Variants in DLC1 observed in about 807,000 individuals in gnomAD.
DLC1 encodes the protein rho GTPase-activating protein 7.
In DLC1, 54 loss-of-function variants were observed where a neutral mutation model predicts 140.3. The observed-to-expected ratio is 0.38, with a 90% CI of 0.31 to 0.48. The LOEUF (loss-of-function observed/expected upper bound fraction) is 0.48. DLC1 is among the 20% of genes least tolerant of loss of function. The pLI is 0.96. For synonymous variants in DLC1, 986 were observed against 728.1 expected, an observed-to-expected ratio of 1.35 and a Z score of -5.70; for missense variants, 2,536 against 1,907.0, an observed-to-expected ratio of 1.33 and a Z score of -6.14.
chr8:13,579,918 T>C (rs1165686522), intron 1 of DLC1, among the ~76,000 whole-genome samples: 1 of 151,746 alleles, frequency 6.6e-6, no homozygotes, highest in African/African-American at 2.4e-5. Flanking sequence ...CAGTGCCTGG[T>C]TGAGACAAAC....
chr8:13,329,678 T>C (rs1433822023), intron 4 of DLC1, among the ~76,000 whole-genome samples: 1 of 152,228 alleles, frequency 6.6e-6, no homozygotes, highest in Non-Finnish European at 1.5e-5. Context: ...AGAATTTTTC[T>C]GATATACATT....
chr8:13,506,158 T>G (rs1486175353), intron 1 of DLC1, among the ~76,000 whole-genome samples: 1 of 151,888 alleles, frequency 6.6e-6, no homozygotes, highest in Non-Finnish European at 1.5e-5. Flanking sequence ...TATATATATG[T>G]GTGTATACAC....
In DLC1 at chr8:13,429,804, G is replaced by C. The variant is rs183863444; in HGVS notation, c.1024-28185C>G. Among the ~76,000 whole-genome samples the C allele has an allele frequency of 4.6e-3, 694 of 152,246 alleles. 4 individuals carry two copies. Among genetic ancestry groups the C allele is most frequent in the Non-Finnish European group, 7.8e-3 (531 of 68,002 alleles). On this transcript the variant is annotated intron_variant, in intron 2 of 17. Coordinates refer to ENST00000276297, the MANE Select transcript of DLC1 (RefSeq NM_182643.3). ...TTCAGCTACGTATAACTTAAAGAAT[G>C]CCAAAATATTTGTTTGGAAAACATG...
intron 5 of DLC1, among the ~76,000 whole-genome samples, chr8:13,170,679 G>T (rs1018877597): frequency 2.1e-5 from 3 of 146,082 alleles, no homozygotes; most frequent in East Asian, 4.0e-4. Context: ...GCAGTGAGCC[G>T]AGATCGCGCC....
chr8:13,343,548 C>A (rs928942747), intron 4 of DLC1, among the ~76,000 whole-genome samples: 2 of 152,126 alleles, frequency 1.3e-5, no homozygotes, highest in African/African-American at 4.8e-5. Context: ...GTTATATAAT[C>A]TTATATGATT....
intron 2 of DLC1, among the ~76,000 whole-genome samples, chr8:13,433,356 G>A (rs1025207741): frequency 1.3e-5 from 2 of 152,100 alleles, no homozygotes; most frequent in Non-Finnish European, 2.9e-5. Context: ...ATAGGGTTTG[G>A]GGACTGTCAC....
chr8:13,257,576 G>T (rs949537159), intron 5 of DLC1, among the ~76,000 whole-genome samples: 1 of 152,072 alleles, frequency 6.6e-6, no homozygotes, highest in Non-Finnish European at 1.5e-5. Context: ...TGTATGAGCT[G>T]ATTAAAATGC....
chr8:13,165,997 G>C (rs1351305522), intron 5 of DLC1, among the ~76,000 whole-genome samples: 3 of 152,150 alleles, frequency 2.0e-5, no homozygotes, highest in Non-Finnish European at 4.4e-5. Flanking sequence ...CCACCACTGG[G>C]AGCCAGAGGG....
rs73663624 is a variant in DLC1 at position 13,195,803 on chromosome 8, G to C, written c.1349-80146C>G. On this transcript the variant is annotated intron_variant, in intron 5 of 17. Coordinates refer to ENST00000276297, the MANE Select transcript of DLC1 (RefSeq NM_182643.3). The stretch of plus-strand genomic sequence containing the variant: ...ATGGCCATGTGGCAGGAACATCGTG[G>C]TTGACCTATAGCAGCACTATCCTTC... Among the ~76,000 whole-genome samples the C allele has an allele frequency of 1.7e-3, 259 of 152,260 alleles. 2 individuals are homozygous for C. Among genetic ancestry groups the C allele is most frequent in the African/African-American group, 5.5e-3 (229 of 41,570 alleles).
intron 11 of DLC1, 61 bp downstream of exon 11, chr8:13,095,025 G>C: frequency 1.9e-6 from 3 of 1,613,568 alleles, no homozygotes; most frequent in Non-Finnish European, 2.5e-6. Flanking sequence ...CACACAACTA[G>C]AAGAAGCTGC....
intron 5 of DLC1, among the ~76,000 whole-genome samples, chr8:13,196,095 T>TATAC (rs368367579): frequency 2.7e-5 from 4 of 147,042 alleles, no homozygotes; most frequent in African/African-American, 1.0e-4. Flanking sequence ...TCTGTATTGA[T>TATAC]ACACACACAC....
chr8:13,158,142 G>A (rs1824396517), intron 5 of DLC1, among the ~76,000 whole-genome samples: 1 of 152,130 alleles, frequency 6.6e-6, no homozygotes, highest in South Asian at 2.1e-4. Flanking sequence ...TCATCTGTGT[G>A]TCATATAAAA....
At chr8:13,525,791 C>A (rs754882201) in intron 1 of DLC1, among the ~76,000 whole-genome samples, 2 of 152,126 alleles carry the variant, frequency 1.3e-5, no homozygotes, top group South Asian at 2.1e-4. Context: ...TTTGAAAATG[C>A]CTTTTGAAGA....
intron 2 of DLC1, among the ~76,000 whole-genome samples, chr8:13,459,917 C>T (rs1041939956): frequency 6.6e-6 from 1 of 152,136 alleles, no homozygotes; most frequent in East Asian, 1.9e-4. Flanking sequence ...GCCCTCATCT[C>T]GCCCAATATC....
chr8:13,189,835 TCG>T (rs1366539657), intron 5 of DLC1, among the ~76,000 whole-genome samples: 1 of 151,648 alleles, frequency 6.6e-6, no homozygotes, highest in African/African-American at 2.4e-5. Flanking sequence ...TGAGCCAAGA[TCG>T]CGCCATTGCA....
intron 1 of DLC1, among the ~76,000 whole-genome samples, chr8:13,522,654 A>G (rs190810987): frequency 1.3e-5 from 2 of 152,066 alleles, no homozygotes; most frequent in East Asian, 3.9e-4. Context: ...AAATAAATAA[A>G]TATAAAAATA....
At chr8:13,189,574 T>C (rs538248293) in intron 5 of DLC1, among the ~76,000 whole-genome samples, 2 of 151,550 alleles carry the variant, frequency 1.3e-5, no homozygotes, top group Admixed American at 1.3e-4. Context: ...GGCATGTGAT[T>C]AGCACGGAGA....
intron 4 of DLC1, among the ~76,000 whole-genome samples, chr8:13,313,877 A>G (rs1832770848): frequency 6.6e-6 from 1 of 151,968 alleles, no homozygotes; most frequent in Admixed American, 6.6e-5. Flanking sequence ...GAGGTTTGTC[A>G]CCCCAAACTA....
chr8:13,345,646 C>T (rs918832619), intron 4 of DLC1, among the ~76,000 whole-genome samples: 1 of 139,130 alleles, frequency 7.2e-6, no homozygotes, highest in African/African-American at 2.7e-5. Flanking sequence ...CTCTGTCTGC[C>T]TCCCGGCTTC....
Sources: allele counts gnomAD v4.1 joint callset (sites outside exome capture counted in the v4.1 genomes callset), GRCh38; gene constraint gnomAD v4.1.1; transcripts MANE v1.5; gene names NCBI Gene and HGNC (gene_info 2026-07-23, HGNC 2026-07-21).